Variants in KLHL32 observed in about 807,000 individuals in gnomAD.
KLHL32 encodes kelch-like protein 32.
A neutral mutation model predicts 64.8 loss-of-function variants in KLHL32; 35 were observed. The ratio of observed to expected loss-of-function variants is 0.54; its 90% CI spans 0.41 to 0.72. KLHL32 has a LOEUF of 0.72. KLHL32 is among the 30% of genes least tolerant of loss of function. The pLI is 0.00. For missense variants in KLHL32, 589 were observed against 768.5 expected, an observed-to-expected ratio of 0.77 and a Z score of 2.76; for synonymous variants, 259 against 281.0, an observed-to-expected ratio of 0.92 and a Z score of 0.78.
the KLHL32 span, among the ~76,000 whole-genome samples, chr6:96,916,038 C>T: frequency 6.6e-5 from 10 of 152,170 alleles, no homozygotes; most frequent in Admixed American, 6.5e-4. Flanking sequence ...GAATGATTCA[C>T]AGATTGGGCA....
At chr6:96,988,547 G>C (rs1307709188) in intron 3 of KLHL32, among the ~76,000 whole-genome samples, 4 of 152,100 alleles carry the variant, frequency 2.6e-5, no homozygotes, top group Admixed American at 6.5e-5. Context: ...TCAGTGTGGC[G>C]ATTCCTCAGG....
chr6:96,925,180 A>C (rs944970945), intron 1 of KLHL32, among the ~76,000 whole-genome samples, 154 bp downstream of exon 1: 4 of 152,146 alleles, frequency 2.6e-5, no homozygotes, highest in Non-Finnish European at 5.9e-5. Flanking sequence ...GGGAGCAGCC[A>C]CTACTCAGGT....
chr6:97,036,803 C>T lies in KLHL32; in HGVS notation c.205-4689C>T, dbSNP rs1784360796. ...TGCAGGGTGCCAGAGTGGCCCCCTC[C>T]AGCTCCAGGGGATGCAAGGCATGGG... On this transcript the variant is annotated intron_variant, in intron 3 of 10. Transcript: ENST00000369261. 1.3e-5 allele frequency among the ~76,000 whole-genome samples: 2 copies of T among 152,196 alleles called. 1 individual carries two copies. Among genetic ancestry groups the T allele is most frequent in the South Asian group, 4.1e-4 (2 of 4,824 alleles).
chr6:96,983,680 T>G (rs1291807269), intron 3 of KLHL32, among the ~76,000 whole-genome samples: 1 of 152,242 alleles, frequency 6.6e-6, no homozygotes, highest in Non-Finnish European at 1.5e-5. Context: ...GAGGTGTTTA[T>G]AGTGTTCTCT....
At chr6:96,914,364 T>G in the KLHL32 span, among the ~76,000 whole-genome samples, 1 of 152,156 alleles carries the variant, frequency 6.6e-6, no homozygotes, top group Non-Finnish European at 1.5e-5. Context: ...CTTGCTTAAC[T>G]TTGACTTTTT....
intron 5 of KLHL32, among the ~76,000 whole-genome samples, chr6:97,080,108 T>C (rs1384222975): frequency 6.6e-6 from 1 of 151,972 alleles, no homozygotes; most frequent in Non-Finnish European, 1.5e-5. Flanking sequence ...AAATTTGGGG[T>C]GGATTGATTT....
At chr6:96,964,997 C>T (rs1010600311) in intron 1 of KLHL32, among the ~76,000 whole-genome samples, 1 of 152,188 alleles carries the variant, frequency 6.6e-6, no homozygotes, top group Non-Finnish European at 1.5e-5. Context: ...GCCCATGCCC[C>T]CAGTCCCCTT....
At chr6:97,053,033 G>A (rs1382245704) in intron 4 of KLHL32, among the ~76,000 whole-genome samples, 1 of 151,862 alleles carries the variant, frequency 6.6e-6, no homozygotes, top group Non-Finnish European at 1.5e-5. Context: ...TTTGATGCTA[G>A]GAAGCATAGA....
At chr6:97,057,060 G>A (rs1266015067) in intron 4 of KLHL32, among the ~76,000 whole-genome samples, 1 of 151,664 alleles carries the variant, frequency 6.6e-6, no homozygotes, top group Non-Finnish European at 1.5e-5. Flanking sequence ...TTTGGGTTTG[G>A]GGGACTGTTT....
chr6:96,906,058 T>G, the KLHL32 span, among the ~76,000 whole-genome samples: 2 of 152,192 alleles, frequency 1.3e-5, no homozygotes, highest in African/African-American at 4.8e-5. Context: ...CCCTAGGAAT[T>G]GCACACAGCC....
At chr6:96,995,631 C>G (rs560385925) in intron 3 of KLHL32, among the ~76,000 whole-genome samples, 9 of 152,248 alleles carry the variant, frequency 5.9e-5, no homozygotes, top group Admixed American at 5.9e-4. Flanking sequence ...TTCTTTCCAC[C>G]TCAGGGCCTT....
intron 3 of KLHL32, among the ~76,000 whole-genome samples, chr6:97,033,085 A>G (rs1783795703): frequency 6.6e-6 from 1 of 152,188 alleles, no homozygotes; most frequent in South Asian, 2.1e-4. Context: ...TTTTACTAAG[A>G]GCTTGCCATA....
intron 3 of KLHL32, among the ~76,000 whole-genome samples, chr6:97,007,016 C>T (rs1332426706): frequency 6.6e-6 from 1 of 152,068 alleles, no homozygotes; most frequent in African/African-American, 2.4e-5. Context: ...TCCACATTTC[C>T]CAAATTTTAG....
intron 1 of KLHL32, among the ~76,000 whole-genome samples, chr6:96,954,767 G>A (rs1773061028): frequency 6.6e-6 from 1 of 152,188 alleles, no homozygotes; most frequent in Admixed American, 6.5e-5. Flanking sequence ...TCACTGGGAT[G>A]AGACGGACAG....
chr6:97,081,234 T>C (rs1031971540), intron 5 of KLHL32, among the ~76,000 whole-genome samples: 11 of 152,146 alleles, frequency 7.2e-5, no homozygotes, highest in African/African-American at 2.7e-4. Flanking sequence ...CAAAGCAGGG[T>C]TAGCAGGCTT....
At chr6:96,972,420 A>T (rs1775211974) in intron 2 of KLHL32, among the ~76,000 whole-genome samples, 1 of 152,186 alleles carries the variant, frequency 6.6e-6, no homozygotes, top group Non-Finnish European at 1.5e-5. Flanking sequence ...GTATTGATAC[A>T]ACACAATACA....
At chr6:97,069,013 T>G (rs1249141392) in intron 5 of KLHL32, among the ~76,000 whole-genome samples, 1 of 152,160 alleles carries the variant, frequency 6.6e-6, no homozygotes, top group Non-Finnish European at 1.5e-5. Flanking sequence ...TTTATCATTG[T>G]AAGGGAAACA....
intron 5 of KLHL32, among the ~76,000 whole-genome samples, chr6:97,074,250 C>G (rs1292201103): frequency 6.6e-6 from 1 of 152,120 alleles, no homozygotes; most frequent in East Asian, 1.9e-4. Context: ...TTCAGGAGGT[C>G]TGGGGAGGGC....
rs12662541 is a variant in KLHL32 at position 97,008,840 on chromosome 6, A to C, written c.205-32652A>C. Among the ~76,000 whole-genome samples the C allele has an allele frequency of 4.3e-3, 648 of 151,816 alleles. 9 individuals are homozygous for C. In the East Asian group the frequency reaches 0.043, roughly 10 times the overall value. On this transcript the variant is annotated intron_variant, in intron 3 of 10. Coordinates refer to ENST00000369261, the MANE Select transcript of KLHL32 (RefSeq NM_052904.4). ...CTCTCCAAAGATCTGCTCAGAGAGT[A>C]TTTCATTCTTCCCTATGTCCCTGTC...
Sources: allele counts gnomAD v4.1 joint callset (sites outside exome capture counted in the v4.1 genomes callset), GRCh38; gene constraint gnomAD v4.1.1; transcripts MANE v1.5; gene names NCBI Gene and HGNC (gene_info 2026-07-23, HGNC 2026-07-21).